The following ASTN1 variants were observed in gnomAD, a reference collection of about 807,000 sequenced individuals.
The protein encoded by ASTN1 is astrotactin 1, also known as astrotactin-1.
A neutral mutation model predicts 140.7 loss-of-function variants in ASTN1; 41 were observed. The observed-to-expected ratio is 0.29, with a 90% confidence interval of 0.23 to 0.38. The LOEUF (loss-of-function observed/expected upper bound fraction) is 0.38, where lower values mean the gene tolerates loss of function less well. Among genes scored for constraint, ASTN1 ranks in the 10% least tolerant of loss-of-function variants. The pLI is 1.00. For missense variants in ASTN1, 1,479 were observed against 1,678.8 expected, an observed-to-expected ratio of 0.88 and a Z score of 2.08; for synonymous variants, 640 against 652.2, an observed-to-expected ratio of 0.98 and a Z score of 0.29.
In ASTN1 at chr1:176,965,212, G is replaced by T. The variant is rs774752822; in HGVS notation, c.1549C>A (p.Arg517=). The T allele has an allele frequency of 1.2e-6, 2 of 1,613,958 alleles. No homozygotes were observed. The highest frequency in any genetic ancestry group is 3.3e-5 in the Admixed American group (2 of 60,010). The change falls in exon 9 of 23, where the codon CGA becomes AGA. Residue 517 remains arginine, a synonymous_variant. Transcript: ENST00000361833. ...QGPWPYTIFQ[R]GFDLVLGEQP... is the part of the protein sequence containing the mutation. ...TCTCCCAAAACCAGGTCAAAGCCTC[G>T]CTGAAATATTGTGTAAGGCCATGGC...
chr1:177,158,760 T>C (rs181534382), intron 1 of ASTN1, among the ~76,000 whole-genome samples: 100 of 151,612 alleles, frequency 6.6e-4, no homozygotes, highest in African/African-American at 2.3e-3. Context: ...CTAAGATGAA[T>C]AAAGAAACTA....
intron 1 of ASTN1, among the ~76,000 whole-genome samples, chr1:177,063,895 C>T (rs942097811): frequency 1.3e-5 from 2 of 152,150 alleles, no homozygotes; most frequent in African/African-American, 4.8e-5. Context: ...GCACCCATTC[C>T]ACCCGAGGGC....
chr1:177,063,270 G>T (rs1678187755), intron 1 of ASTN1, among the ~76,000 whole-genome samples: 1 of 152,048 alleles, frequency 6.6e-6, no homozygotes, highest in African/African-American at 2.4e-5. Context: ...TAAGAGTGTG[G>T]GTCAGGGCTA....
chr1:176,911,505 G>T (rs1343578786), intron 16 of ASTN1, among the ~76,000 whole-genome samples: 7 of 151,648 alleles, frequency 4.6e-5, no homozygotes, highest in Non-Finnish European at 1.0e-4. Flanking sequence ...ATACACTATT[G>T]TATATGCTTT....
At chr1:176,933,891 T>C (rs1419394686) in intron 16 of ASTN1, among the ~76,000 whole-genome samples, 2 of 152,152 alleles carry the variant, frequency 1.3e-5, no homozygotes, top group African/African-American at 4.8e-5. Context: ...CAAGAACCTT[T>C]AGAGGACTCT....
At chr1:176,984,291 T>G (rs534804954) in intron 8 of ASTN1, among the ~76,000 whole-genome samples, 39 of 152,344 alleles carry the variant, frequency 2.6e-4, no homozygotes, top group Non-Finnish European at 2.9e-4. Context: ...CATTCTGCAG[T>G]ACATGGCTTT....
At chr1:177,051,023 A>G (rs1038213955) in intron 2 of ASTN1, among the ~76,000 whole-genome samples, 2 of 152,180 alleles carry the variant, frequency 1.3e-5, no homozygotes, top group African/African-American at 4.8e-5. Context: ...GTCGAAGCAT[A>G]GTTTTGTTTT....
At chr1:176,877,532 A>C (rs1668615468) in intron 20 of ASTN1, among the ~76,000 whole-genome samples, 1 of 152,212 alleles carries the variant, frequency 6.6e-6, no homozygotes, top group African/African-American at 2.4e-5. Flanking sequence ...GAAGAAAATG[A>C]AAACCTGGCT....
chr1:177,089,120 C>G (rs1679617985), intron 1 of ASTN1, among the ~76,000 whole-genome samples: 1 of 152,196 alleles, frequency 6.6e-6, no homozygotes, highest in Admixed American at 6.5e-5. Context: ...CTAGCTACAG[C>G]CAGTTATTTG....
intron 1 of ASTN1, among the ~76,000 whole-genome samples, chr1:177,082,537 G>C (rs1317798816): frequency 6.6e-6 from 1 of 152,112 alleles, no homozygotes; most frequent in Non-Finnish European, 1.5e-5. Context: ...CTCACACAAA[G>C]GGTACAGCAT....
intron 1 of ASTN1, among the ~76,000 whole-genome samples, chr1:177,163,210 G>C (rs1234557887): frequency 6.6e-6 from 1 of 152,172 alleles, no homozygotes; most frequent in Non-Finnish European, 1.5e-5. Context: ...CAAGTAAATG[G>C]AACAGCCTCC....
chr1:176,968,461 C>T (rs1204308240), intron 8 of ASTN1, among the ~76,000 whole-genome samples: 2 of 152,124 alleles, frequency 1.3e-5, no homozygotes, highest in East Asian at 3.9e-4. Context: ...GGCCAAAGCC[C>T]CGACACCCCA....
At chr1:176,873,121 T>C (rs890729676) in intron 21 of ASTN1, among the ~76,000 whole-genome samples, 5 of 152,222 alleles carry the variant, frequency 3.3e-5, no homozygotes, top group East Asian at 1.9e-4. Context: ...TGCTTTTGTG[T>C]GTAGCATCTA....
intron 1 of ASTN1, among the ~76,000 whole-genome samples, chr1:177,124,914 C>G (rs1030310769): frequency 2.0e-4 from 30 of 152,174 alleles, no homozygotes; most frequent in African/African-American, 6.8e-4. Flanking sequence ...GTGTGGTAGT[C>G]CGTGCTCTCC....
chr1:177,087,586 A>C (rs143532726), intron 1 of ASTN1, among the ~76,000 whole-genome samples: 1,736 of 152,284 alleles, frequency 0.011, 18 homozygotes, highest in Middle Eastern at 0.041. Flanking sequence ...CAGGCTGCCT[A>C]GGTTTACAAG....
Position 177,032,564 on chromosome 1 carries a change from G to C in ASTN1, c.757C>G (p.Leu253Val). ...CCTCCGTTCATGCACTCCCTCTGCA[G>C]ATGGTGGCGCAGATCAGTGATGTCA... Reference protein sequence around the residue: ...EYDITDLRHHLQRECMNGGED... With the variant: ...EYDITDLRHHVQRECMNGGED... The change falls in exon 3 of 23, where the codon CTG becomes GTG. Residue 253 changes from leucine to valine, a missense_variant. Leu to Val is a conservative substitution (Grantham distance 32, BLOSUM62 1). Coordinates refer to ENST00000361833, the MANE Select transcript of ASTN1 (RefSeq NM_004319.3). 3.1e-6 allele frequency: 5 copies of C among 1,614,228 alleles called. No individual in the cohort carries two copies. Among genetic ancestry groups the C allele is most frequent in the Non-Finnish European group, 4.2e-6 (5 of 1,180,038 alleles).
chr1:176,985,158 CCT>C (rs1228956981), intron 8 of ASTN1, among the ~76,000 whole-genome samples: 1 of 152,152 alleles, frequency 6.6e-6, no homozygotes, highest in Non-Finnish European at 1.5e-5. Context: ...CACTGAAGGC[CCT>C]CTGTCACTTT....
downstream of ASTN1, chr1:176,857,598 T>C (rs1387444193): frequency 4.9e-6 from 3 of 607,866 alleles, no homozygotes; most frequent in Non-Finnish European, 9.0e-6. Flanking sequence ...GCCGTCTTCT[T>C]CCTTTCCTCC....
intron 16 of ASTN1, among the ~76,000 whole-genome samples, chr1:176,907,687 G>A (rs1670059607): frequency 6.6e-6 from 1 of 152,112 alleles, no homozygotes; most frequent in African/African-American, 2.4e-5. Flanking sequence ...TAGAGAAGAA[G>A]GCAACACCCC....
Sources: allele counts gnomAD v4.1 joint callset (sites outside exome capture counted in the v4.1 genomes callset), GRCh38; gene constraint gnomAD v4.1.1; transcripts MANE v1.5; gene names NCBI Gene and HGNC (gene_info 2026-07-23, HGNC 2026-07-21).